LINGO2: variants seen among roughly 807,000 people sequenced by gnomAD.
LINGO2 encodes the protein leucine rich repeat and Ig domain containing 2, also known as leucine-rich repeat and immunoglobulin-like domain-containing nogo receptor-interacting protein 2.
In LINGO2, 14 loss-of-function variants were observed where a neutral mutation model predicts 30.6. That is an observed-to-expected ratio of 0.46 (90% CI 0.30 to 0.72). The LOEUF is 0.72. LINGO2 is among the 30% of genes least tolerant of loss of function. The pLI, the probability that LINGO2 is intolerant of heterozygous loss-of-function variation, is 0.07. For synonymous variants in LINGO2, 317 were observed against 288.5 expected, an observed-to-expected ratio of 1.10 and a Z score of -1.00; for missense variants, 729 against 751.7, an observed-to-expected ratio of 0.97 and a Z score of 0.35.
At chr9:28,515,642 T>C (rs753982551) in intron 1 of LINGO2, among the ~76,000 whole-genome samples, 9 of 152,238 alleles carry the variant, frequency 5.9e-5, no homozygotes, top group Admixed American at 1.3e-4. Flanking sequence ...TATCTCATGA[T>C]AAAATGTGAA....
intron 4 of LINGO2, among the ~76,000 whole-genome samples, chr9:28,102,008 A>AT (rs1199101892): frequency 6.6e-6 from 1 of 151,970 alleles, no homozygotes; most frequent in African/African-American, 2.4e-5. Flanking sequence ...CTGCCTTCCA[A>AT]TTTTCCATCA....
At chr9:28,243,854 T>TA (rs1197658700) in intron 4 of LINGO2, among the ~76,000 whole-genome samples, 1 of 152,146 alleles carries the variant, frequency 6.6e-6, no homozygotes, top group East Asian at 1.9e-4. Flanking sequence ...CAAAGATACT[T>TA]AGACTCCCAC....
rs150583192 is a variant in LINGO2, at chr9:28,209,153, C to T, written c.-87+86055G>A. ...AATCTTTCATCCCAATTTTTCAAAG[C>T]GTCCTTTCGTGATCTTATTTATCCA... On this transcript the variant is annotated intron_variant, in intron 4 of 5. Coordinates refer to ENST00000379992, the Ensembl canonical transcript of LINGO2. Among the ~76,000 whole-genome samples, 4 of 152,128 alleles carry T rather than the reference C, an allele frequency of 2.6e-5. 1 individual carries two copies. The highest frequency in any genetic ancestry group is 4.8e-5 in the African/African-American group (2 of 41,542).
At chr9:28,067,814 G>C (rs1436889533) in intron 4 of LINGO2, among the ~76,000 whole-genome samples, 1 of 151,894 alleles carries the variant, frequency 6.6e-6, no homozygotes, top group African/African-American at 2.4e-5. Flanking sequence ...CAACTTCTTC[G>C]ATTATCATAA....
At chr9:29,199,429 C>T in the LINGO2 span, among the ~76,000 whole-genome samples, 2 of 152,000 alleles carry the variant, frequency 1.3e-5, no homozygotes, top group African/African-American at 2.4e-5. Flanking sequence ...CCACCAAACC[C>T]AGGGGAAGTT....
At chr9:28,409,347 A>C (rs1822653163) in intron 2 of LINGO2, among the ~76,000 whole-genome samples, 2 of 152,136 alleles carry the variant, frequency 1.3e-5, no homozygotes, top group South Asian at 4.1e-4. Context: ...CCTTTATGAA[A>C]GAAGAAATCA....
chr9:28,276,136 GAAA>G (rs1159521201), intron 4 of LINGO2, among the ~76,000 whole-genome samples: 2 of 152,102 alleles, frequency 1.3e-5, no homozygotes, highest in Non-Finnish European at 2.9e-5. Context: ...AAGAATTTCT[GAAA>G]TCTTCATATC....
chr9:28,647,015 G>A (rs1025907391), intron 1 of LINGO2, among the ~76,000 whole-genome samples: 2 of 152,088 alleles, frequency 1.3e-5, no homozygotes, highest in Admixed American at 1.3e-4. Context: ...GCTGTGCCTA[G>A]ATTATCTTTA....
chr9:28,148,478 C>T lies in LINGO2; in HGVS notation c.-86-136073G>A. ...CAGAGAAGCAACGGAGGTGACAGAC[C>T]AGGTAGAGACCCAGGGGCAGGAGGA... On this transcript the variant is annotated intron_variant, in intron 4 of 5. Transcript: ENST00000379992. The surrounding 1 kb of genome is among the most constrained non-coding windows in gnomAD (Gnocchi z 5.1). The T allele has an allele frequency of 7.0e-7, 1 of 1,430,148 alleles. No homozygotes were observed. The highest frequency in any genetic ancestry group is 9.5e-7 in the Non-Finnish European group (1 of 1,051,760). The allele number at this position is 1,430,148 out of a possible 1,614,324, so 88.6% of individuals were successfully genotyped here.
intron 3 of LINGO2, among the ~76,000 whole-genome samples, chr9:28,337,200 C>T (rs1472492251): frequency 6.6e-6 from 1 of 151,106 alleles, no homozygotes; most frequent in Non-Finnish European, 1.5e-5. Context: ...TCTCTTTGTG[C>T]TTTTCTGTAT....
chr9:28,527,937 A>G (rs144084867), intron 1 of LINGO2, among the ~76,000 whole-genome samples: 14 of 152,316 alleles, frequency 9.2e-5, no homozygotes, highest in Non-Finnish European at 1.6e-4. Context: ...AATGAGTTTA[A>G]GTAAAGGAAT....
At chr9:28,468,974 C>T (rs962133907) in intron 2 of LINGO2, among the ~76,000 whole-genome samples, 3 of 151,976 alleles carry the variant, frequency 2.0e-5, no homozygotes, top group Non-Finnish European at 4.4e-5. Context: ...AAGAAACACA[C>T]ACATCAGCCT....
the LINGO2 span, among the ~76,000 whole-genome samples, chr9:28,718,253 C>A: frequency 6.6e-6 from 1 of 151,810 alleles, no homozygotes; most frequent in Non-Finnish European, 1.5e-5. Flanking sequence ...ATAATATGCC[C>A]AGTATTTTCT....
chr9:29,029,965 G>A, the LINGO2 span, among the ~76,000 whole-genome samples: 1 of 151,264 alleles, frequency 6.6e-6, no homozygotes, highest in African/African-American at 2.4e-5. Context: ...AAATTCCTTT[G>A]CACCAGTTGC....
chr9:28,741,640 T>C, the LINGO2 span, among the ~76,000 whole-genome samples: 1 of 151,840 alleles, frequency 6.6e-6, no homozygotes, highest in Admixed American at 6.6e-5. Flanking sequence ...CCTAGTCTGT[T>C]GGACAGGCCT....
chr9:28,172,155 G>A (rs111268656), intron 4 of LINGO2, among the ~76,000 whole-genome samples: 159 of 151,392 alleles, frequency 1.1e-3, no homozygotes, highest in African/African-American at 3.8e-3. Flanking sequence ...ACTTTGGGAG[G>A]CCGAGGCGGG....
chr9:28,694,471 C>T, the LINGO2 span, among the ~76,000 whole-genome samples: 1 of 152,022 alleles, frequency 6.6e-6, no homozygotes, highest in African/African-American at 2.4e-5. Flanking sequence ...ACGACATCTC[C>T]TGTCTCCCAA....
chr9:28,987,280 T>C, the LINGO2 span, among the ~76,000 whole-genome samples: 1 of 151,934 alleles, frequency 6.6e-6, no homozygotes, highest in African/African-American at 2.4e-5. Context: ...TGGTAGGTTG[T>C]ATGTGTCTAA....
At chr9:28,451,397 G>C (rs950463042) in intron 2 of LINGO2, among the ~76,000 whole-genome samples, 1 of 151,760 alleles carries the variant, frequency 6.6e-6, no homozygotes, top group South Asian at 2.1e-4. Context: ...CAATGGCATT[G>C]AATGTGTATG....
Sources: allele counts gnomAD v4.1 joint callset (sites outside exome capture counted in the v4.1 genomes callset), GRCh38; gene constraint gnomAD v4.1.1; non-coding constraint Gnocchi (gnomAD v3.1); transcripts MANE v1.5; gene names NCBI Gene and HGNC (gene_info 2026-07-23, HGNC 2026-07-21).